KCTD8: variants seen among roughly 807,000 people sequenced by gnomAD.
KCTD8 encodes the protein BTB/POZ domain-containing protein KCTD8.
Under a neutral mutation model 31.5 loss-of-function variants are expected in KCTD8, and 27 were observed. The observed-to-expected ratio is 0.86, with a 90% CI of 0.63 to 1.18. The LOEUF is 1.18. Ranked by LOEUF, KCTD8 falls within the 50% of genes most tolerant of loss-of-function variation. The probability of loss-of-function intolerance (pLI) is 0.00; values close to 1 mark genes in which losing one functional copy is unlikely to be tolerated. For synonymous variants in KCTD8, 290 were observed against 280.0 expected, an observed-to-expected ratio of 1.04 and a Z score of -0.36; for missense variants, 658 against 647.7, an observed-to-expected ratio of 1.02 and a Z score of -0.17.
intron 1 of KCTD8, among the ~76,000 whole-genome samples, chr4:44,270,229 A>C (rs191438051): frequency 8.1e-4 from 123 of 152,150 alleles, no homozygotes; most frequent in Non-Finnish European, 1.6e-3. Flanking sequence ...TGATGAGTTC[A>C]TGTCCTTTGT....
At position 44,269,339 on chromosome 4, in the gene KCTD8, G is replaced by A. The variant is rs1427685429; in HGVS notation, c.962-94089C>T. Among the ~76,000 whole-genome samples, 14 of 152,062 alleles carry A rather than the reference G, an allele frequency of 9.2e-5. No homozygotes were observed. The East Asian group carries it at 2.1e-3, about 23-fold the overall frequency. On this transcript the variant is annotated intron_variant, in intron 1 of 1. Transcript: ENST00000360029. The stretch of plus-strand genomic sequence containing the variant: ...TGCTGGGAAAACTGGCTAGCCATAC[G>A]TAGAAAGCTGAAACTGGATCCCTTC...
At chr4:44,266,813 GT>G (rs1256153419) in intron 1 of KCTD8, among the ~76,000 whole-genome samples, 3 of 152,078 alleles carry the variant, frequency 2.0e-5, no homozygotes, top group Non-Finnish European at 4.4e-5. Context: ...TTACATAATG[GT>G]AAAGGGATCA....
intron 1 of KCTD8, among the ~76,000 whole-genome samples, chr4:44,182,210 T>TG (rs1248730726): frequency 7.0e-6 from 1 of 143,170 alleles, no homozygotes; most frequent in Non-Finnish European, 1.5e-5. Context: ...GTCCGGGAGG[T>TG]GGGGGGCACC....
chr4:44,447,717 G>C lies in KCTD8; in HGVS notation c.807C>G (p.Phe269Leu). The change falls in exon 1 of 2, where the codon TTC becomes TTG. Residue 269 changes from phenylalanine (F) to leucine (L), a missense_variant. Coordinates refer to ENST00000360029, the MANE Select transcript of KCTD8 (RefSeq NM_198353.3). ...DRQPEKYTSR[F>L]YLKFTYLEQA... ...GCTCCAAGTAGGTGAACTTGAGGTAGAAGCGGGACGTGTACTTCTCCGGCT... is the reference window on the plus strand; with the variant it reads ...GCTCCAAGTAGGTGAACTTGAGGTACAAGCGGGACGTGTACTTCTCCGGCT... The C allele has an allele frequency of 6.2e-7, 1 of 1,612,666 alleles. No homozygotes were observed. Among genetic ancestry groups the C allele is most frequent in the Non-Finnish European group, 8.5e-7 (1 of 1,179,466 alleles).
intron 1 of KCTD8, among the ~76,000 whole-genome samples, chr4:44,305,290 A>G (rs944666194): frequency 6.6e-6 from 1 of 151,604 alleles, no homozygotes; most frequent in African/African-American, 2.4e-5. Flanking sequence ...CTCTCCCCCT[A>G]AAAGATGAAT....
chr4:44,253,208 C>T lies in KCTD8; in HGVS notation c.962-77958G>A, dbSNP rs75147015. On this transcript the variant is annotated intron_variant, in intron 1 of 1. Coordinates refer to ENST00000360029, the MANE Select transcript of KCTD8 (RefSeq NM_198353.3). ...TAAAATCAGTTTTAGTTTTGTTGCTCTCCTTATTTCTTGTTTAATAAATTT... is the reference window on the plus strand; with the variant it reads ...TAAAATCAGTTTTAGTTTTGTTGCTTTCCTTATTTCTTGTTTAATAAATTT... Among the ~76,000 whole-genome samples the T allele has an allele frequency of 2.3e-4, 35 of 151,808 alleles. No homozygotes were observed. The East Asian group carries it at 5.8e-3, about 25-fold the overall frequency.
At chr4:44,253,444 T>C (rs1164650440) in intron 1 of KCTD8, among the ~76,000 whole-genome samples, 1 of 151,750 alleles carries the variant, frequency 6.6e-6, no homozygotes, top group Non-Finnish European at 1.5e-5. Flanking sequence ...GATGGTGGAG[T>C]TTGTGTCCTC....
At chr4:44,267,053 A>T (rs1716399743) in intron 1 of KCTD8, among the ~76,000 whole-genome samples, 2 of 152,184 alleles carry the variant, frequency 1.3e-5, no homozygotes, top group African/African-American at 2.4e-5. Flanking sequence ...CCTAATAGAC[A>T]TCTATAGAAC....
At position 44,243,494 on chromosome 4, in the gene KCTD8, C is replaced by T. The variant is rs1050173372; in HGVS notation, c.962-68244G>A. On this transcript the variant is annotated intron_variant, in intron 1 of 1. Transcript: ENST00000360029. ...TACACTCTTTTAGAGATAATTTCCA[C>T]AGTGTAAGGGCAGGGCTCTTCATAA... 2.4e-4 allele frequency among the ~76,000 whole-genome samples: 36 copies of T among 152,182 alleles called. 1 individual carries two copies. The highest frequency in any genetic ancestry group is 5.9e-4 in the Admixed American group (9 of 15,290).
Position 44,448,449 on chromosome 4 carries a change from C to CCCCG in KCTD8, c.74_75insCGGG (p.Pro26GlyfsTer20), listed in dbSNP as rs1560458075. 1 of 1,542,860 alleles carries CCCCG rather than the reference C, an allele frequency of 6.5e-7. No homozygotes were observed. The highest frequency in any genetic ancestry group is 1.3e-5 in the South Asian group (1 of 79,072). On this transcript the variant is annotated frameshift_variant, in exon 1 of 2. Coordinates refer to ENST00000360029, the MANE Select transcript of KCTD8 (RefSeq NM_198353.3). LOFTEE classifies it high-confidence loss of function. This position sits in a 1 kb window ranked among gnomAD's most constrained non-coding sequence, Gnocchi z 4.1. ...GGGCGGCGGCGGCCGACGCGCCGGG[C>CCCCG]GAGCTGGACGAGGAAACCATCTCGC...
intron 1 of KCTD8, among the ~76,000 whole-genome samples, chr4:44,320,462 G>A (rs377547426): frequency 7.6e-4 from 115 of 152,256 alleles, no homozygotes; most frequent in East Asian, 6.6e-3. Context: ...CCTAAGTTAT[G>A]AGAATACATG....
chr4:44,296,820 C>G (rs1177945001), intron 1 of KCTD8, among the ~76,000 whole-genome samples: 1 of 151,892 alleles, frequency 6.6e-6, no homozygotes, highest in African/African-American at 2.4e-5. Context: ...CTAAAATACA[C>G]ACTGCCTCTG....
intron 1 of KCTD8, among the ~76,000 whole-genome samples, chr4:44,333,701 G>A (rs1718646401): frequency 6.6e-6 from 1 of 152,060 alleles, no homozygotes; most frequent in South Asian, 2.1e-4. Context: ...TAGGAGCTGA[G>A]CTAAGAATGT....
chr4:44,250,231 C>A (rs1431124394), intron 1 of KCTD8, among the ~76,000 whole-genome samples: 3 of 151,596 alleles, frequency 2.0e-5, no homozygotes, highest in Non-Finnish European at 4.4e-5. Context: ...CTTTTCAAAT[C>A]GAATGTTATG....
At chr4:44,249,709 A>G (rs1245275258) in intron 1 of KCTD8, among the ~76,000 whole-genome samples, 1 of 151,578 alleles carries the variant, frequency 6.6e-6, no homozygotes, top group African/African-American at 2.4e-5. Context: ...TTATAAATAA[A>G]TTATTAGTAT....
At chr4:44,327,864 G>A (rs1718489991) in intron 1 of KCTD8, among the ~76,000 whole-genome samples, 1 of 151,744 alleles carries the variant, frequency 6.6e-6, no homozygotes, top group Admixed American at 6.6e-5. Flanking sequence ...GCCATCATTT[G>A]TTAAGCACTT....
chr4:44,343,903 G>A (rs1011981592), intron 1 of KCTD8, among the ~76,000 whole-genome samples: 4 of 151,946 alleles, frequency 2.6e-5, no homozygotes, highest in African/African-American at 9.7e-5. Flanking sequence ...TCTGTCGCTA[G>A]GCTGGAGTGC....
At chr4:44,386,943 T>G (rs1720237823) in intron 1 of KCTD8, among the ~76,000 whole-genome samples, 1 of 151,812 alleles carries the variant, frequency 6.6e-6, no homozygotes, top group Admixed American at 6.6e-5. Context: ...AAATTATCTT[T>G]ATTTGCAGAG....
At chr4:44,236,555 T>C (rs745805669) in intron 1 of KCTD8, among the ~76,000 whole-genome samples, 1 of 152,114 alleles carries the variant, frequency 6.6e-6, no homozygotes, top group Non-Finnish European at 1.5e-5. Context: ...TATATAAACA[T>C]GTAATTTTGA....
Sources: allele counts gnomAD v4.1 joint callset (sites outside exome capture counted in the v4.1 genomes callset), GRCh38; gene constraint gnomAD v4.1.1; non-coding constraint Gnocchi (gnomAD v3.1); transcripts MANE v1.5; gene names NCBI Gene and HGNC (gene_info 2026-07-23, HGNC 2026-07-21).